Variants in ADAMTS9 observed in about 807,000 individuals in gnomAD.
ADAMTS9 encodes A disintegrin and metalloproteinase with thrombospondin motifs 9.
A neutral mutation model predicts 257.1 loss-of-function variants in ADAMTS9; 107 were observed. The ratio of observed to expected loss-of-function variants is 0.42; its 90% CI spans 0.36 to 0.49. ADAMTS9 has a LOEUF of 0.49. ADAMTS9 is among the 20% of genes least tolerant of loss of function. The probability of loss-of-function intolerance (pLI) is 0.03; values close to 1 mark genes in which losing one functional copy is unlikely to be tolerated. For missense variants in ADAMTS9, 2,353 were observed against 2,469.1 expected, an observed-to-expected ratio of 0.95 and a Z score of 1.00; for synonymous variants, 982 against 880.9, an observed-to-expected ratio of 1.11 and a Z score of -2.03.
rs775864039 is a variant in ADAMTS9 at position 64,649,619 on chromosome 3, T to C, written c.1605+18A>G. 5.0e-6 allele frequency: 8 copies of C among 1,596,728 alleles called. No individual in the cohort carries two copies. The East Asian group carries it at 9.0e-5, about 18-fold the overall frequency. The stretch of plus-strand genomic sequence containing the variant: ...CAGAATCAGTAGATGAGGGCAGAAG[T>C]GGCCCTCCTACACTTACCATATATG... On this transcript the variant is annotated intron_variant, in intron 10 of 39. Coordinates refer to ENST00000498707, the MANE Select transcript of ADAMTS9 (RefSeq NM_182920.2).
intron 28 of ADAMTS9, chr3:64,583,458 G>A (rs939569909): frequency 7.9e-5 from 12 of 152,120 alleles, no homozygotes; most frequent in Non-Finnish European, 1.8e-4. Flanking sequence ...TTCAGCTTTC[G>A]CTTTTGAATG....
intron 22 of ADAMTS9, among the ~76,000 whole-genome samples, chr3:64,612,359 T>C (rs1559791504): frequency 6.6e-6 from 1 of 152,200 alleles, no homozygotes; most frequent in Admixed American, 6.5e-5. Flanking sequence ...CTAAAAGTTA[T>C]GCAGATACAG....
In ADAMTS9 at chr3:64,520,992, C is replaced by T. The variant is rs558317553; in HGVS notation, c.*5+1174G>A. Among the ~76,000 whole-genome samples, 53 of 152,156 alleles carry T rather than the reference C, an allele frequency of 3.5e-4. 1 individual carries two copies. The South Asian group carries it at 0.011, about 31-fold the overall frequency. On this transcript the variant is annotated intron_variant, in intron 39 of 39. Coordinates refer to ENST00000498707, the MANE Select transcript of ADAMTS9 (RefSeq NM_182920.2). ...GCTTCTGCACATCAAAAGAAACTATCAACAGAATAAATGGACAATCTACAG... is the reference window on the plus strand; with the variant it reads ...GCTTCTGCACATCAAAAGAAACTATTAACAGAATAAATGGACAATCTACAG...
At chr3:64,567,525 A>C (rs1020104439) in intron 29 of ADAMTS9, among the ~76,000 whole-genome samples, 2 of 152,190 alleles carry the variant, frequency 1.3e-5, no homozygotes, top group Non-Finnish European at 2.9e-5. Flanking sequence ...GATCTACTCT[A>C]AGGATTTGAT....
chr3:64,636,820 G>A (rs1357986969), intron 12 of ADAMTS9, among the ~76,000 whole-genome samples: 4 of 152,206 alleles, frequency 2.6e-5, no homozygotes, highest in African/African-American at 9.7e-5. Flanking sequence ...GAGTAATTGT[G>A]ATGGAGACCA....
intron 3 of ADAMTS9, among the ~76,000 whole-genome samples, chr3:64,665,685 C>T (rs1386914999): frequency 6.6e-6 from 1 of 152,172 alleles, no homozygotes; most frequent in Non-Finnish European, 1.5e-5. Context: ...GGCAAATCAG[C>T]ACAGAGTGTG....
chr3:64,589,366 C>A (rs1186796528), intron 28 of ADAMTS9: 1 of 152,100 alleles, frequency 6.6e-6, no homozygotes. Context: ...AAACAGGAAC[C>A]TAAAAGTTCA....
chr3:64,609,971 T>C (rs1451420587), intron 22 of ADAMTS9, among the ~76,000 whole-genome samples: 1 of 152,206 alleles, frequency 6.6e-6, no homozygotes, highest in Admixed American at 6.5e-5. Context: ...CATATATCTA[T>C]GGACAAGTGA....
intron 19 of ADAMTS9, among the ~76,000 whole-genome samples, chr3:64,618,182 T>C (rs147324853): frequency 1.3e-5 from 2 of 152,318 alleles, no homozygotes; most frequent in East Asian, 3.9e-4. Flanking sequence ...AATCCTAAAC[T>C]CCTGGTTTTT....
Position 64,541,552 on chromosome 3 carries a change from G to A in ADAMTS9, c.5266C>T (p.Leu1756=), listed in dbSNP as rs139232267. ...TTCAGAAGCTTTCCTCTAATCATCA[G>A]GAAATATTCACCATCTTCACTGGCA... ...KGASEDGEYF[L]MIRGKLLKIF... The change falls in exon 34 of 40, where the codon CTG becomes TTG. Residue 1756 remains leucine, a synonymous_variant. Coordinates refer to ENST00000498707, the MANE Select transcript of ADAMTS9 (RefSeq NM_182920.2). 3.1e-6 allele frequency: 5 copies of A among 1,613,914 alleles called. No homozygotes were observed. In the African/African-American group the frequency reaches 5.3e-5, roughly 17 times the overall value.
In ADAMTS9 at chr3:64,530,995, G is replaced by A. The variant is rs370340616; in HGVS notation, c.5718+2171C>T. Reference sequence around the variant, plus strand: ...AATGGGGAAAGAACATTATAATTTCGGGGCACATTCTAAAGCTCATGCACT... The same window carrying A: ...AATGGGGAAAGAACATTATAATTTCAGGGCACATTCTAAAGCTCATGCACT... On this transcript the variant is annotated intron_variant, in intron 38 of 39. Transcript: ENST00000498707. 2.3e-4 allele frequency among the ~76,000 whole-genome samples: 35 copies of A among 152,158 alleles called. 1 individual carries two copies. The highest frequency in any genetic ancestry group is 8.4e-4 in the African/African-American group (35 of 41,550).
chr3:64,584,035 C>T lies in ADAMTS9; in HGVS notation c.4356+10223G>A, dbSNP rs1188070794. 2.6e-5 allele frequency: 4 copies of T among 152,230 alleles called. No homozygotes were observed. In the East Asian group the frequency reaches 7.7e-4, roughly 29 times the overall value. The allele number at this position is 152,230 out of a possible 1,614,324, so 9.4% of individuals were successfully genotyped here. ...GGGCTCGGATATGTTACGTCTGATT[C>T]AAAGACAACCAAAAAGAAGGAAATA... is the stretch of plus-strand genomic sequence containing the variant. On this transcript the variant is annotated intron_variant, in intron 28 of 39. Transcript: ENST00000498707.
chr3:64,622,062 A>G, intron 18 of ADAMTS9, 136 bp downstream of exon 18: 3 of 945,614 alleles, frequency 3.2e-6, no homozygotes, highest in Non-Finnish European at 4.4e-6. Context: ...GACCAGACAC[A>G]TTCAAAGAAA....
At chr3:64,565,832 G>C (rs1255347034) in intron 29 of ADAMTS9, 2 of 152,128 alleles carry the variant, frequency 1.3e-5, no homozygotes, top group Non-Finnish European at 2.9e-5. Flanking sequence ...ACCCTTTAAG[G>C]CTTCAGTAAG....
rs2083026930 is a variant in ADAMTS9 at position 64,534,762 on chromosome 3, G to A, written c.5614-1492C>T. 5.0e-5 allele frequency among the ~76,000 whole-genome samples: 4 copies of A among 80,394 alleles called. No homozygotes were observed. In the South Asian group the frequency reaches 2.5e-3, roughly 50 times the overall value. 52.7% of individuals were successfully genotyped at this position (80,394 alleles called of 152,430 possible). ...TCTGGCAATGTCTGGAAACATTTTTGTTTGTCACAACTGTGGGGGGGCAGG... is the reference window on the plus strand; with the variant it reads ...TCTGGCAATGTCTGGAAACATTTTTATTTGTCACAACTGTGGGGGGGCAGG... On this transcript the variant is annotated intron_variant, in intron 37 of 39. Coordinates refer to ENST00000498707, the MANE Select transcript of ADAMTS9 (RefSeq NM_182920.2).
intron 22 of ADAMTS9, among the ~76,000 whole-genome samples, chr3:64,610,721 T>C (rs2084649589): frequency 6.6e-6 from 1 of 152,106 alleles, no homozygotes; most frequent in African/African-American, 2.4e-5. Flanking sequence ...AACCCTTGTA[T>C]TATATGATAA....
chr3:64,586,642 A>G (rs1361766407), intron 28 of ADAMTS9: 2 of 152,166 alleles, frequency 1.3e-5, no homozygotes, highest in African/African-American at 2.4e-5. Context: ...ATGTTGTTGC[A>G]TAAGTTTAAA....
chr3:64,648,125 T>C, intron 10 of ADAMTS9, 81 bp from the exon 11 acceptor site: 1 of 1,276,582 alleles, frequency 7.8e-7, no homozygotes, highest in Non-Finnish European at 1.1e-6. Flanking sequence ...TGCTTTCAAC[T>C]AATGTTTCAC....
At chr3:64,544,903 TA>T (rs2083176956) in intron 32 of ADAMTS9, among the ~76,000 whole-genome samples, 2 of 152,070 alleles carry the variant, frequency 1.3e-5, no homozygotes, top group African/African-American at 2.4e-5. Context: ...ATGAAGAACT[TA>T]CACAAATTTA....
Sources: gnomAD v4.1 joint callset for allele counts (sites outside exome capture counted in the v4.1 genomes callset) on GRCh38, gnomAD v4.1.1 for gene constraint, MANE v1.5 for transcripts, NCBI Gene and HGNC (gene_info 2026-07-23, HGNC 2026-07-21) for gene names.